The following ZCCHC7 variants were observed in gnomAD, a reference collection of about 807,000 sequenced individuals.
ZCCHC7 encodes zinc finger CCHC domain-containing protein 7.
ZCCHC7 carries 35 observed loss-of-function variants against 52.0 expected under a neutral mutation model. The observed-to-expected ratio is 0.67, with a 90% CI of 0.51 to 0.89. ZCCHC7 has a LOEUF of 0.89. ZCCHC7 is among the 40% of genes least tolerant of loss of function. The pLI, the probability that ZCCHC7 is intolerant of heterozygous loss-of-function variation, is 0.00. For missense variants in ZCCHC7, 574 were observed against 649.1 expected (o/e 0.88, Z 1.26); for synonymous variants, 217 against 221.5 (o/e 0.98, Z 0.18).
At chr9:37,153,556 C>A (rs903957989) in intron 2 of ZCCHC7, among the ~76,000 whole-genome samples, 1 of 151,798 alleles carries the variant, frequency 6.6e-6, no homozygotes, top group Non-Finnish European at 1.5e-5. Context: ...TCAAGTGATT[C>A]TCCTGCCTCG....
chr9:37,327,164 G>A (rs1180818976), intron 5 of ZCCHC7: 1 of 152,036 alleles, frequency 6.6e-6, no homozygotes, highest in African/African-American at 2.4e-5. Context: ...GTTTCAATTA[G>A]TATATCTTTT....
chr9:37,224,135 A>G (rs1824971724), intron 2 of ZCCHC7, among the ~76,000 whole-genome samples: 1 of 152,140 alleles, frequency 6.6e-6, no homozygotes, highest in Non-Finnish European at 1.5e-5. Flanking sequence ...TTTTAAAAGG[A>G]AAAAACTTTT....
chr9:37,261,309 A>G (rs1173988050), intron 2 of ZCCHC7, among the ~76,000 whole-genome samples: 1 of 152,196 alleles, frequency 6.6e-6, no homozygotes, highest in Non-Finnish European at 1.5e-5. Flanking sequence ...GAAACAAGCA[A>G]TGTATATGAA....
At chr9:37,125,989 A>G (rs949982704) in intron 1 of ZCCHC7, among the ~76,000 whole-genome samples, 4 of 152,212 alleles carry the variant, frequency 2.6e-5, no homozygotes, top group Non-Finnish European at 4.4e-5. Context: ...GTAGTTGACT[A>G]CACCATCTAG....
chr9:37,200,006 T>C (rs1823546438), intron 2 of ZCCHC7, among the ~76,000 whole-genome samples: 1 of 152,160 alleles, frequency 6.6e-6, no homozygotes, highest in Non-Finnish European at 1.5e-5. Context: ...GTGCCAGGAC[T>C]GTTTCTTTTT....
At chr9:37,157,674 A>G (rs1448579734) in intron 2 of ZCCHC7, among the ~76,000 whole-genome samples, 1 of 152,232 alleles carries the variant, frequency 6.6e-6, no homozygotes. Context: ...ACAAATAACT[A>G]ACAGATATGT....
intron 2 of ZCCHC7, among the ~76,000 whole-genome samples, chr9:37,280,677 T>C (rs1291137850): frequency 2.0e-5 from 3 of 152,064 alleles, no homozygotes; most frequent in Non-Finnish European, 4.4e-5. Flanking sequence ...AAATTAAAAA[T>C]TCATTAAACT....
At chr9:37,152,310 G>C (rs574478220) in intron 2 of ZCCHC7, among the ~76,000 whole-genome samples, 51 of 152,000 alleles carry the variant, frequency 3.4e-4, no homozygotes, top group Non-Finnish European at 6.5e-4. Flanking sequence ...GAGTTGTCAT[G>C]TGCCCTGTAT....
At position 37,217,379 on chromosome 9, in the gene ZCCHC7, A is replaced by C. The variant is rs148546004; in HGVS notation, c.611-84809A>C. 3.3e-5 allele frequency among the ~76,000 whole-genome samples: 5 copies of C among 152,286 alleles called. No individual in the cohort carries two copies. In the East Asian group the frequency reaches 9.6e-4, roughly 29 times the overall value. The stretch of plus-strand genomic sequence containing the variant: ...ATAATTTTTGGAAATTTTCTGTTTT[A>C]GTCTATGTGAGTCATGTAAAAATTA... On this transcript the variant is annotated intron_variant, in intron 2 of 8. Transcript: ENST00000336755.
At chr9:37,186,636 C>T in intron 2 of ZCCHC7, 1 of 501,074 alleles carries the variant, frequency 2.0e-6, no homozygotes, top group Middle Eastern at 4.2e-4. Context: ...TGCTGAGTAT[C>T]ATGTACTTTC....
chr9:37,289,691 C>T (rs191128296), intron 2 of ZCCHC7, among the ~76,000 whole-genome samples: 2 of 152,272 alleles, frequency 1.3e-5, no homozygotes, highest in East Asian at 1.9e-4. Flanking sequence ...TCATATTACT[C>T]TTACGAGTTT....
intron 2 of ZCCHC7, among the ~76,000 whole-genome samples, chr9:37,161,447 C>T (rs1355734587): frequency 2.0e-5 from 3 of 151,938 alleles, no homozygotes; most frequent in Non-Finnish European, 4.4e-5. Flanking sequence ...TGGTGGCAGC[C>T]TCCTGTAGTC....
At position 37,212,172 on chromosome 9, in the gene ZCCHC7, G is replaced by A. The variant is rs555345591; in HGVS notation, c.610+85230G>A. Among the ~76,000 whole-genome samples the A allele has an allele frequency of 5.3e-5, 8 of 151,856 alleles. No individual in the cohort carries two copies. In the East Asian group the frequency reaches 7.7e-4, roughly 15 times the overall value. ...ACAACCTAGTGGCAGCTGGGGAGGC[G>A]GAGGAGGCACTACTGGCATTCAGTG... On this transcript the variant is annotated intron_variant, in intron 2 of 8. Coordinates refer to ENST00000336755, the MANE Select transcript of ZCCHC7 (RefSeq NM_032226.3).
intron 2 of ZCCHC7, among the ~76,000 whole-genome samples, chr9:37,207,497 GTTTT>G (rs3074709): frequency 5.3e-5 from 5 of 94,126 alleles, no homozygotes; most frequent in Non-Finnish European, 8.4e-5. Context: ...TTTCTCCAGA[GTTTT>G]TTTTTTTTTT....
chr9:37,188,353 T>A (rs1302218527), intron 2 of ZCCHC7, among the ~76,000 whole-genome samples: 1 of 151,770 alleles, frequency 6.6e-6, no homozygotes, highest in Non-Finnish European at 1.5e-5. Context: ...AAGATTTCAC[T>A]ATGTTGCCCC....
chr9:37,153,225 C>T (rs930567526), intron 2 of ZCCHC7, among the ~76,000 whole-genome samples: 9 of 151,986 alleles, frequency 5.9e-5, no homozygotes, highest in African/African-American at 2.2e-4. Flanking sequence ...GGCTGGAGTG[C>T]ACTGGTGTGA....
At chr9:37,127,077 A>C (rs1471047944) in intron 2 of ZCCHC7, 135 bp downstream of exon 2, 3 of 1,058,074 alleles carry the variant, frequency 2.8e-6, no homozygotes, top group African/African-American at 1.6e-5. Flanking sequence ...TTTGTTTCTC[A>C]TGCGACTCTC....
chr9:37,179,075 G>C (rs1289076485), intron 2 of ZCCHC7, among the ~76,000 whole-genome samples: 1 of 152,054 alleles, frequency 6.6e-6, no homozygotes, highest in Non-Finnish European at 1.5e-5. Context: ...GTAGTATCTT[G>C]ATCTTCAAAA....
chr9:37,289,138 GTTC>G (rs1303454346), intron 2 of ZCCHC7, among the ~76,000 whole-genome samples: 3 of 149,292 alleles, frequency 2.0e-5, no homozygotes, highest in Admixed American at 6.7e-5. Context: ...CTTTTACTGT[GTTC>G]TTCTTTTACT....
Sources: allele counts gnomAD v4.1 joint callset (sites outside exome capture counted in the v4.1 genomes callset), GRCh38; gene constraint gnomAD v4.1.1; transcripts MANE v1.5; gene names NCBI Gene and HGNC (gene_info 2026-07-23, HGNC 2026-07-21).